DOCK4: variants seen among roughly 807,000 people sequenced by gnomAD.
DOCK4 encodes dedicator of cytokinesis 4.
In DOCK4, 97 loss-of-function variants were observed where a neutral mutation model predicts 268.1. The ratio of observed to expected loss-of-function variants is 0.36; its 90% CI spans 0.31 to 0.43. The LOEUF is 0.43. Among genes scored for constraint, DOCK4 ranks in the 20% least tolerant of loss-of-function variants. DOCK4 has a pLI of 1.00. For synonymous variants in DOCK4, 954 were observed against 887.2 expected, an observed-to-expected ratio of 1.08 and a Z score of -1.34; for missense variants, 2,145 against 2,455.7, an observed-to-expected ratio of 0.87 and a Z score of 2.67.
At chr7:112,004,929 C>G (rs1236772138) in intron 1 of DOCK4, among the ~76,000 whole-genome samples, 2 of 152,176 alleles carry the variant, frequency 1.3e-5, no homozygotes, top group African/African-American at 4.8e-5. Flanking sequence ...CAGATTAGTC[C>G]TTTTCTGGCA....
chr7:112,044,054 G>C (rs967330037), intron 1 of DOCK4, among the ~76,000 whole-genome samples: 8 of 150,460 alleles, frequency 5.3e-5, no homozygotes, highest in Non-Finnish European at 1.0e-4. Context: ...AGTACTCTGT[G>C]AGGTACATAC....
intron 25 of DOCK4, among the ~76,000 whole-genome samples, chr7:111,836,910 A>T (rs1433016370): frequency 6.6e-6 from 1 of 151,868 alleles, no homozygotes; most frequent in Non-Finnish European, 1.5e-5. Flanking sequence ...TTCAAGTAGC[A>T]GAATATCTAT....
chr7:111,754,149 CTT>C (rs142890965), intron 42 of DOCK4, among the ~76,000 whole-genome samples: 3,634 of 152,254 alleles, frequency 0.024, 111 homozygotes, highest in African/African-American at 0.065. Flanking sequence ...CATAATAAGA[CTT>C]TTTGAGCACT....
chr7:111,983,984 A>G (rs1319310856), intron 7 of DOCK4, among the ~76,000 whole-genome samples: 1 of 152,128 alleles, frequency 6.6e-6, no homozygotes, highest in African/African-American at 2.4e-5. Flanking sequence ...CTCAAACACA[A>G]CAGATAAGTA....
At chr7:112,189,164 T>C (rs1315332659) in intron 1 of DOCK4, among the ~76,000 whole-genome samples, 1 of 152,226 alleles carries the variant, frequency 6.6e-6, no homozygotes, top group East Asian at 1.9e-4. Flanking sequence ...ATATTTTGTG[T>C]TGGTTATGCT....
intron 7 of DOCK4, among the ~76,000 whole-genome samples, chr7:111,983,988 A>G (rs1008790325): frequency 1.3e-5 from 2 of 152,152 alleles, no homozygotes; most frequent in Admixed American, 6.5e-5. Flanking sequence ...AACACAACAG[A>G]TAAGTATGCG....
intron 6 of DOCK4, among the ~76,000 whole-genome samples, chr7:111,985,731 A>C (rs1324580922): frequency 1.3e-5 from 2 of 152,176 alleles, no homozygotes; most frequent in Non-Finnish European, 2.9e-5. Flanking sequence ...CACACCCATT[A>C]TTTAATGTTA....
chr7:111,935,332 G>A (rs1162670409), intron 12 of DOCK4: 3 of 625,218 alleles, frequency 4.8e-6, no homozygotes, highest in Non-Finnish European at 8.7e-6. Flanking sequence ...GTTTCAACAA[G>A]AATAGAATAC....
At chr7:112,124,864 C>A (rs1813072030) in intron 1 of DOCK4, among the ~76,000 whole-genome samples, 1 of 152,110 alleles carries the variant, frequency 6.6e-6, no homozygotes, top group South Asian at 2.1e-4. Flanking sequence ...CTAACAATAA[C>A]CTGCTTAAAC....
chr7:111,858,864 A>G (rs955150681), intron 23 of DOCK4, among the ~76,000 whole-genome samples: 3 of 145,740 alleles, frequency 2.1e-5, no homozygotes, highest in Non-Finnish European at 4.5e-5. Flanking sequence ...CATACACCCT[A>G]TTGGTTCTGT....
chr7:112,129,854 C>G (rs927707771), intron 1 of DOCK4, among the ~76,000 whole-genome samples: 9 of 152,296 alleles, frequency 5.9e-5, no homozygotes, highest in Non-Finnish European at 1.0e-4. Flanking sequence ...AGAACAGAGA[C>G]TAGATCTCAT....
At chr7:111,899,195 T>C (rs768334290) in intron 15 of DOCK4, among the ~76,000 whole-genome samples, 1 of 152,234 alleles carries the variant, frequency 6.6e-6, no homozygotes, top group East Asian at 1.9e-4. Context: ...TTCTGAAATA[T>C]GCCATAGTTC....
intron 1 of DOCK4, among the ~76,000 whole-genome samples, chr7:112,122,711 T>A (rs1812851402): frequency 6.6e-6 from 1 of 152,238 alleles, no homozygotes; most frequent in African/African-American, 2.4e-5. Flanking sequence ...CCTTTTGTTG[T>A]ATGCTTATGT....
At chr7:111,824,276 C>G (rs551010320) in intron 26 of DOCK4, among the ~76,000 whole-genome samples, 1 of 152,180 alleles carries the variant, frequency 6.6e-6, no homozygotes, top group East Asian at 1.9e-4. Context: ...TCAGTTGATT[C>G]TTTTGAGTTA....
At chr7:112,016,921 G>A (rs1801856417) in intron 1 of DOCK4, among the ~76,000 whole-genome samples, 1 of 152,106 alleles carries the variant, frequency 6.6e-6, no homozygotes, top group Non-Finnish European at 1.5e-5. Flanking sequence ...ATTTGTATAT[G>A]GGTGTTTGGT....
intron 14 of DOCK4, among the ~76,000 whole-genome samples, chr7:111,900,978 C>T (rs944145568): frequency 2.0e-5 from 3 of 152,194 alleles, no homozygotes; most frequent in Admixed American, 6.5e-5. Flanking sequence ...GCTATTCTCA[C>T]CCCAATTAGT....
chr7:111,896,506 TC>T (rs1188318937), intron 15 of DOCK4, among the ~76,000 whole-genome samples: 139 of 151,070 alleles, frequency 9.2e-4, no homozygotes, highest in African/African-American at 3.2e-3. Context: ...TTTTTTTTTT[TC>T]CTCCAAAAAT....
At position 112,125,621 on chromosome 7, in the gene DOCK4, T is replaced by C. The variant is rs1354056751; in HGVS notation, c.37+80481A>G. On this transcript the variant is annotated intron_variant, in intron 1 of 52. Transcript: ENST00000428084. ...TTACCAATTTCAGTTTCACAAGATA[T>C]GTGACCTTCATCAAGTTATTTAACT... Among the ~76,000 whole-genome samples the C allele has an allele frequency of 2.0e-5, 3 of 152,202 alleles. No homozygotes were observed. The South Asian group carries it at 6.2e-4, about 31-fold the overall frequency.
chr7:111,729,272 G>A (rs1280490072), intron 52 of DOCK4, among the ~76,000 whole-genome samples: 1 of 152,218 alleles, frequency 6.6e-6, no homozygotes, highest in South Asian at 2.1e-4. Context: ...AGATAGAGGA[G>A]AAAGGAGCTG....
Sources: allele counts gnomAD v4.1 joint callset (sites outside exome capture counted in the v4.1 genomes callset), GRCh38; gene constraint gnomAD v4.1.1; transcripts MANE v1.5; gene names NCBI Gene and HGNC (gene_info 2026-07-23, HGNC 2026-07-21).